The following LRMDA variants were observed in gnomAD, a reference collection of about 807,000 sequenced individuals.
LRMDA encodes the protein leucine-rich melanocyte differentiation-associated protein.
In LRMDA, 18 loss-of-function variants were observed where a neutral mutation model predicts 29.8. That is an observed-to-expected ratio of 0.60 (90% CI 0.42 to 0.90). LRMDA has a LOEUF of 0.90. Ranked by LOEUF, LRMDA falls within the 40% of genes least tolerant of loss-of-function variation. LRMDA has a pLI of 0.00. For synonymous variants in LRMDA, 125 were observed against 109.4 expected (o/e 1.14, Z -0.89); for missense variants, 273 against 273.9 (o/e 1.00, Z 0.02).
rs191967460 is a variant in LRMDA, at chr10:75,684,859, C to T, written c.131+246365C>T. On this transcript the variant is annotated intron_variant, in intron 2 of 6. Coordinates refer to ENST00000611255, the MANE Select transcript of LRMDA (RefSeq NM_001305581.2). ...AGGCCTCCCAGCTCAGTGAGGCAGC[C>T]GAATGCAGCTGCCTCTCATCCCACC... is the stretch of plus-strand genomic sequence containing the variant. Among the ~76,000 whole-genome samples the T allele has an allele frequency of 9.2e-5, 14 of 152,256 alleles. No individual in the cohort carries two copies. The East Asian group carries it at 2.5e-3, about 27-fold the overall frequency.
At chr10:75,898,995 T>C (rs1845628495) in intron 2 of LRMDA, among the ~76,000 whole-genome samples, 1 of 152,204 alleles carries the variant, frequency 6.6e-6, no homozygotes, top group Non-Finnish European at 1.5e-5. Flanking sequence ...TCCACACAGG[T>C]ACATGCTCTA....
At chr10:76,247,026 A>T (rs1284929438) in intron 5 of LRMDA, among the ~76,000 whole-genome samples, 1 of 152,206 alleles carries the variant, frequency 6.6e-6, no homozygotes, top group Non-Finnish European at 1.5e-5. Flanking sequence ...TGTATTCTCC[A>T]GGTTCTTTTA....
intron 5 of LRMDA, among the ~76,000 whole-genome samples, chr10:76,088,580 G>T (rs1035714732): frequency 6.6e-6 from 1 of 152,172 alleles, no homozygotes; most frequent in African/African-American, 2.4e-5. Context: ...TCAGGCTCTC[G>T]AAAGGGAAAT....
Position 76,558,879 on chromosome 10 carries a change from T to TAA in LRMDA, c.*1592_*1593dup, listed in dbSNP as rs1252859588. 1 of 152,230 alleles carries TAA rather than the reference T, an allele frequency of 6.6e-6. No homozygotes were observed. The highest frequency in any genetic ancestry group is 2.4e-5 in the African/African-American group (1 of 41,460). 9.4% of individuals were successfully genotyped at this position (152,230 alleles called of 1,614,324 possible). A position where few individuals can be genotyped will look rare whatever the true frequency, so the allele number is the denominator to read the frequency against. On this transcript the variant is annotated 3_prime_UTR_variant, in exon 7 of 7. Coordinates refer to ENST00000611255, the MANE Select transcript of LRMDA (RefSeq NM_001305581.2). ...TTGTTAATCAGTTCTTTAGACAAGT[T>TAA]AACATTAAAATCCTCAAAACCATGA...
intron 5 of LRMDA, among the ~76,000 whole-genome samples, chr10:76,160,165 T>C (rs774013344): frequency 6.6e-6 from 1 of 151,850 alleles, no homozygotes; most frequent in Non-Finnish European, 1.5e-5. Context: ...TACCTTCTTC[T>C]CAATTTTGCT....
At chr10:75,582,320 A>G (rs1212380667) in intron 2 of LRMDA, among the ~76,000 whole-genome samples, 2 of 152,154 alleles carry the variant, frequency 1.3e-5, no homozygotes, top group Non-Finnish European at 2.9e-5. Context: ...TTTTGCATAT[A>G]TGCTCTGAAA....
Position 76,445,509 on chromosome 10 carries a change from A to G in LRMDA, c.602-111700A>G, listed in dbSNP as rs571134103. Among the ~76,000 whole-genome samples the G allele has an allele frequency of 2.6e-5, 4 of 152,346 alleles. No homozygotes were observed. The East Asian group carries it at 7.7e-4, about 29-fold the overall frequency. On this transcript the variant is annotated intron_variant, in intron 6 of 6. Transcript: ENST00000611255. ...TTACCTAAACTCAGGACACATGCAC[A>G]GCAGTAAATTCTTCATTTGCCAGAG...
At chr10:76,104,741 T>C (rs531137621) in intron 5 of LRMDA, among the ~76,000 whole-genome samples, 3 of 152,108 alleles carry the variant, frequency 2.0e-5, no homozygotes, top group Non-Finnish European at 2.9e-5. Flanking sequence ...AATTTTTGAA[T>C]AGATGAGTGG....
intron 2 of LRMDA, among the ~76,000 whole-genome samples, chr10:76,023,666 A>C (rs1311987733): frequency 6.6e-6 from 1 of 152,208 alleles, no homozygotes; most frequent in African/African-American, 2.4e-5. Context: ...TGACTGAAAT[A>C]CTGCAGCAAG....
chr10:75,562,262 A>C (rs1840307726), intron 2 of LRMDA, among the ~76,000 whole-genome samples: 1 of 152,102 alleles, frequency 6.6e-6, no homozygotes, highest in African/African-American at 2.4e-5. Context: ...TTCTTGTTGA[A>C]TTGATCCCTT....
At chr10:76,458,631 AATGACCTCAAC>A (rs1410482932) in intron 6 of LRMDA, among the ~76,000 whole-genome samples, 2 of 152,114 alleles carry the variant, frequency 1.3e-5, no homozygotes, top group Admixed American at 6.5e-5. Flanking sequence ...TTCTTTAAGG[AATGACCTCAAC>A]TCTGTTTCAC....
At chr10:75,780,934 A>G (rs530103574) in intron 2 of LRMDA, among the ~76,000 whole-genome samples, 39 of 152,334 alleles carry the variant, frequency 2.6e-4, no homozygotes, top group African/African-American at 9.1e-4. Context: ...GCCATTACCT[A>G]AAGGAATAAG....
chr10:75,890,308 C>G (rs1256610354), intron 2 of LRMDA, among the ~76,000 whole-genome samples: 2 of 152,070 alleles, frequency 1.3e-5, no homozygotes, highest in Non-Finnish European at 2.9e-5. Flanking sequence ...CATTTGAATT[C>G]TCTCTCTATA....
intron 2 of LRMDA, among the ~76,000 whole-genome samples, chr10:75,752,297 C>T (rs1033033442): frequency 2.0e-5 from 3 of 150,638 alleles, no homozygotes; most frequent in Admixed American, 1.3e-4. Context: ...CTGCAAGCTC[C>T]GCCTCCCAGG....
chr10:75,832,779 G>A (rs1844367750), intron 2 of LRMDA, among the ~76,000 whole-genome samples: 1 of 152,234 alleles, frequency 6.6e-6, no homozygotes, highest in Non-Finnish European at 1.5e-5. Context: ...GTGGATGGTA[G>A]CAGGCAAAGA....
intron 2 of LRMDA, among the ~76,000 whole-genome samples, chr10:75,821,870 G>A (rs1263932783): frequency 6.6e-6 from 1 of 152,100 alleles, no homozygotes; most frequent in Non-Finnish European, 1.5e-5. Context: ...GACAAACCCA[G>A]AGCCAACATG....
Position 75,463,241 on chromosome 10 carries a change from G to A in LRMDA, c.131+24747G>A, listed in dbSNP as rs964251301. The stretch of plus-strand genomic sequence containing the variant: ...TCTAAGGGGTGCTTTCCAAACTTGA[G>A]CGTGCACACACATCCCCGGGGAACT... On this transcript the variant is annotated intron_variant, in intron 2 of 6. Coordinates refer to ENST00000611255, the MANE Select transcript of LRMDA (RefSeq NM_001305581.2). 2.6e-5 allele frequency among the ~76,000 whole-genome samples: 4 copies of A among 152,170 alleles called. No homozygotes were observed. In the East Asian group the frequency reaches 7.7e-4, roughly 29 times the overall value.
At chr10:75,915,026 A>C (rs1845906569) in intron 2 of LRMDA, among the ~76,000 whole-genome samples, 1 of 150,830 alleles carries the variant, frequency 6.6e-6, no homozygotes, top group Admixed American at 6.6e-5. Context: ...TTAAGTTACT[A>C]TGTCATGACT....
At chr10:76,414,151 G>A (rs1274799051) in intron 6 of LRMDA, among the ~76,000 whole-genome samples, 1 of 152,196 alleles carries the variant, frequency 6.6e-6, no homozygotes, top group Non-Finnish European at 1.5e-5. Flanking sequence ...AGTTATCTGA[G>A]CTTCAGCTTC....
Sources: gnomAD v4.1 joint callset for allele counts (sites outside exome capture counted in the v4.1 genomes callset) on GRCh38, gnomAD v4.1.1 for gene constraint, MANE v1.5 for transcripts, NCBI Gene and HGNC (gene_info 2026-07-23, HGNC 2026-07-21) for gene names.